The following SRC variants were observed in gnomAD, a reference collection of about 807,000 sequenced individuals.
SRC encodes the protein SRC proto-oncogene, non-receptor tyrosine kinase.
Under a neutral mutation model 62.9 loss-of-function variants are expected in SRC, and 13 were observed. The ratio of observed to expected loss-of-function variants is 0.21; its 90% CI spans 0.13 to 0.33. The LOEUF (loss-of-function observed/expected upper bound fraction) is 0.33, where lower values mean the gene tolerates loss of function less well. Ranked by LOEUF, SRC falls within the 10% of genes least tolerant of loss-of-function variation. The probability of loss-of-function intolerance (pLI) is 1.00; values close to 1 mark genes in which losing one functional copy is unlikely to be tolerated. For synonymous variants in SRC, 302 were observed against 317.5 expected, an observed-to-expected ratio of 0.95 and a Z score of 0.52; for missense variants, 457 against 737.3, an observed-to-expected ratio of 0.62 and a Z score of 4.40.
At position 37,384,490 on chromosome 20, in the gene SRC, T is replaced by G; in HGVS notation, c.250+87T>G. 8 of 1,121,748 alleles carry G rather than the reference T, an allele frequency of 7.1e-6. No individual in the cohort carries two copies. Among genetic ancestry groups the G allele is most frequent in the South Asian group, 6.3e-5 (2 of 31,644 alleles). 69.5% of individuals were successfully genotyped at this position (1,121,748 alleles called of 1,614,324 possible). On this transcript the variant is annotated intron_variant, in intron 4 of 13. Coordinates refer to ENST00000373578, the MANE Select transcript of SRC (RefSeq NM_198291.3). This position sits in a 1 kb window ranked among gnomAD's most constrained non-coding sequence, Gnocchi z 6.7. ...GCTGTGTGCCCGGGGTCGCCCCCTC[T>G]GCGCAGGCCCTTCCTCTCGCCAGGG...
intron 5 of SRC, among the ~76,000 whole-genome samples, chr20:37,390,207 CAGAG>C (rs1218412297): frequency 6.6e-6 from 1 of 152,144 alleles, no homozygotes; most frequent in East Asian, 1.9e-4. Context: ...AACTAAGACT[CAGAG>C]AGGGCAGGGT....
chr20:37,393,151 C>T (rs538276649), intron 5 of SRC, among the ~76,000 whole-genome samples: 6 of 152,332 alleles, frequency 3.9e-5, no homozygotes, highest in Non-Finnish European at 7.3e-5. Context: ...CATTGGGGCT[C>T]TGCCACCTCA....
chr20:37,397,773 A>G lies in SRC; in HGVS notation c.778A>G (p.Lys260Glu). 6.2e-7 allele frequency: 1 copy of G among 1,612,570 alleles called. No homozygotes were observed. Among genetic ancestry groups the G allele is most frequent in the African/African-American group, 1.3e-5 (1 of 75,038 alleles). ...CAAGCCGCAGACTCAGGGCCTGGCC[A>G]AGGATGCCTGGGAGATCCCTCGGGA... ...TSKPQTQGLA[K>E]DAWEIPRESL... Residue 260 changes from lysine to glutamate, a missense_variant, in exon 9 of 14, where the codon AAG becomes GAG. By Grantham distance (56) the Lys-to-Glu change is moderately conservative. Coordinates refer to ENST00000373578, the MANE Select transcript of SRC (RefSeq NM_198291.3). The surrounding 1 kb of genome is among the most constrained non-coding windows in gnomAD (Gnocchi z 4.1).
At chr20:37,393,063 A>C (rs1287732719) in intron 5 of SRC, among the ~76,000 whole-genome samples, 3 of 151,362 alleles carry the variant, frequency 2.0e-5, no homozygotes, top group African/African-American at 7.3e-5. Context: ...GGACCCGACC[A>C]CGCCGGGAGC....
rs759850848 is a variant in SRC, at chr20:37,384,153, C to G, written c.-1C>G. 3 of 1,600,752 alleles carry G rather than the reference C, an allele frequency of 1.9e-6. No individual in the cohort carries two copies. The highest frequency in any genetic ancestry group is 2.5e-6 in the Non-Finnish European group (3 of 1,176,760). On this transcript the variant is annotated 5_prime_UTR_variant, in exon 4 of 14. Coordinates refer to ENST00000373578, the MANE Select transcript of SRC (RefSeq NM_198291.3). This position sits in a 1 kb window ranked among gnomAD's most constrained non-coding sequence, Gnocchi z 6.7. Reference sequence around the variant, plus strand: ...TGTCTTCTCTCTCTCCTGCCAGGACCATGGGTAGCAACAAGAGCAAGCCCA... The same window carrying G: ...TGTCTTCTCTCTCTCCTGCCAGGACGATGGGTAGCAACAAGAGCAAGCCCA...
At chr20:37,361,787 C>T (rs2069975029) in intron 1 of SRC, among the ~76,000 whole-genome samples, 1 of 139,336 alleles carries the variant, frequency 7.2e-6, no homozygotes, top group Non-Finnish European at 1.6e-5. Flanking sequence ...TGCTGAGGGC[C>T]TCTGTGTGCA....
At chr20:37,374,032 T>C (rs576814923) in intron 2 of SRC, among the ~76,000 whole-genome samples, 52 of 87,094 alleles carry the variant, frequency 6.0e-4, no homozygotes, top group African/African-American at 8.5e-4. Flanking sequence ...AAAACTTGGG[T>C]TTTTTTTTAA....
At chr20:37,394,679 G>A (rs2070611521) in intron 7 of SRC, among the ~76,000 whole-genome samples, 1 of 152,052 alleles carries the variant, frequency 6.6e-6, no homozygotes, top group South Asian at 2.1e-4. Context: ...CTGCAGTCCT[G>A]GTCCCTGCCC....
intron 2 of SRC, among the ~76,000 whole-genome samples, chr20:37,381,016 A>T (rs2070358422): frequency 6.6e-6 from 1 of 151,998 alleles, no homozygotes; most frequent in African/African-American, 2.4e-5. Flanking sequence ...CACGGGTGTT[A>T]TTCCCGATCG....
upstream of SRC, among the ~76,000 whole-genome samples, chr20:37,345,732 G>C (rs1421367429): frequency 6.6e-6 from 1 of 152,348 alleles, no homozygotes; most frequent in East Asian, 1.9e-4. Flanking sequence ...CATGGCGCCT[G>C]GCCCAGAGCG....
At chr20:37,390,450 T>C (rs1356900233) in intron 5 of SRC, among the ~76,000 whole-genome samples, 2 of 135,214 alleles carry the variant, frequency 1.5e-5, no homozygotes, top group Admixed American at 8.9e-5. Context: ...CAGGCTGGAG[T>C]GCAGTGGTGC....
Position 37,384,785 on chromosome 20 carries a change from G to A in SRC, c.250+382G>A, listed in dbSNP as rs1332497246. The stretch of plus-strand genomic sequence containing the variant: ...CGCGCGGCCCACGTGCGGCGGAGGG[G>A]CAGCTGGGTCGCTCGGGGAACGGGG... On this transcript the variant is annotated intron_variant, in intron 4 of 13. Coordinates refer to ENST00000373578, the MANE Select transcript of SRC (RefSeq NM_198291.3). This position sits in a 1 kb window ranked among gnomAD's most constrained non-coding sequence, Gnocchi z 6.7. 1.3e-5 allele frequency among the ~76,000 whole-genome samples: 2 copies of A among 152,196 alleles called. No individual in the cohort carries two copies. The highest frequency in any genetic ancestry group is 4.8e-5 in the African/African-American group (2 of 41,452).
intron 1 of SRC, among the ~76,000 whole-genome samples, chr20:37,363,161 C>G (rs1320917696): frequency 6.6e-6 from 1 of 152,244 alleles, no homozygotes; most frequent in Non-Finnish European, 1.5e-5. Flanking sequence ...TGACAAGACA[C>G]TGTGGGAAGG....
intron 2 of SRC, among the ~76,000 whole-genome samples, chr20:37,376,105 T>C (rs2070272843): frequency 6.6e-6 from 1 of 152,242 alleles, no homozygotes; most frequent in South Asian, 2.1e-4. Context: ...ATTCAGTCCA[T>C]AGTGATATCC....
chr20:37,370,031 C>A (rs2070136970), intron 2 of SRC, among the ~76,000 whole-genome samples: 1 of 152,138 alleles, frequency 6.6e-6, no homozygotes, highest in South Asian at 2.1e-4. Context: ...AACTCCTGAC[C>A]TCAGGTGATC....
intron 2 of SRC, among the ~76,000 whole-genome samples, chr20:37,381,957 C>G (rs959599420): frequency 1.3e-5 from 2 of 152,140 alleles, no homozygotes; most frequent in African/African-American, 2.4e-5. Context: ...AAACCATACC[C>G]CCATTGTGCA....
rs2147125266 is a variant in SRC at position 37,402,593 on chromosome 20, G to A, written c.1270+5G>A. The A allele has an allele frequency of 1.2e-6, 2 of 1,608,392 alleles. No homozygotes were observed. Among genetic ancestry groups the A allele is most frequent in the Non-Finnish European group, 1.7e-6 (2 of 1,176,228 alleles). ...ATGAGTACACGGCGCGGCAAGGTGG[G>A]CAGGGGCTGTGTGGTATGTCGCGCT... On this transcript the variant is annotated splice_donor_5th_base_variant and intron_variant, in intron 12 of 13. Coordinates refer to ENST00000373578, the MANE Select transcript of SRC (RefSeq NM_198291.3). This position sits in a 1 kb window ranked among gnomAD's most constrained non-coding sequence, Gnocchi z 6.2.
At chr20:37,393,040 G>A (rs551590548) in intron 5 of SRC, among the ~76,000 whole-genome samples, 1 of 151,286 alleles carries the variant, frequency 6.6e-6, no homozygotes, top group South Asian at 2.1e-4. Context: ...CCCCGCTCCC[G>A]CCCAGGCCCA....
At chr20:37,391,244 G>C (rs1050204368) in intron 5 of SRC, among the ~76,000 whole-genome samples, 3 of 152,190 alleles carry the variant, frequency 2.0e-5, no homozygotes, top group Non-Finnish European at 4.4e-5. Context: ...CCTGTCCTCT[G>C]ACCCCGCCCT....
Sources: gnomAD v4.1 joint callset for allele counts (sites outside exome capture counted in the v4.1 genomes callset) on GRCh38, gnomAD v4.1.1 for gene constraint, Gnocchi (gnomAD v3.1) non-coding constraint, MANE v1.5 for transcripts, NCBI Gene and HGNC (gene_info 2026-07-23, HGNC 2026-07-21) for gene names.